Variants in MOCOS observed in about 807,000 individuals in gnomAD.
MOCOS encodes the protein human molybdenum cofactor sulfurase.
MOCOS carries 86 observed loss-of-function variants against 83.6 expected under a neutral mutation model. The observed-to-expected ratio is 1.03, with a 90% CI of 0.86 to 1.23. MOCOS has a LOEUF of 1.23. Ranked by LOEUF, MOCOS falls within the 50% of genes most tolerant of loss-of-function variation. The pLI, the probability that MOCOS is intolerant of heterozygous loss-of-function variation, is 0.00. For synonymous variants in MOCOS, 445 were observed against 434.7 expected (o/e 1.02, Z -0.29); for missense variants, 1,120 against 1,126.9 (o/e 0.99, Z 0.09).
chr18:36,209,640 CCATT>C (rs2091447168), intron 6 of MOCOS, among the ~76,000 whole-genome samples: 1 of 152,158 alleles, frequency 6.6e-6, no homozygotes, highest in South Asian at 2.1e-4. Context: ...GCCTCCAGCT[CCATT>C]CAAGTTGCTG....
At chr18:36,194,309 C>A (rs1032061381) in intron 1 of MOCOS, among the ~76,000 whole-genome samples, 5 of 151,956 alleles carry the variant, frequency 3.3e-5, no homozygotes, top group Non-Finnish European at 5.9e-5. Flanking sequence ...ATAAAACAAC[C>A]CATTCTACAC....
In MOCOS at chr18:36,193,317, C is replaced by CAAAAAAAA. The variant is rs555145311; in HGVS notation, c.143-1909_143-1902dup. 3.1e-4 allele frequency among the ~76,000 whole-genome samples: 12 copies of CAAAAAAAA among 38,310 alleles called. 2 individuals are homozygous for CAAAAAAAA. Among genetic ancestry groups the CAAAAAAAA allele is most frequent in the Admixed American group, 4.8e-4 (1 of 2,094 alleles). The allele number at this position is 38,310 out of a possible 152,430, so 25.1% of individuals were successfully genotyped here. A position where few individuals can be genotyped will look rare whatever the true frequency, so the allele number is the denominator to read the frequency against. On this transcript the variant is annotated intron_variant, in intron 1 of 14. Transcript: ENST00000261326. Reference sequence around the variant, plus strand: ...TGGGCGACAGAGCGAGACTCCGTCTCAAAAAAAAAAAAAAAAAAAAAAAAA... The same window carrying CAAAAAAAA: ...TGGGCGACAGAGCGAGACTCCGTCTCAAAAAAAAAAAAAAAAAAAAAAAAAAAAAAAAA...
chr18:36,244,868 A>C (rs1196263219), intron 9 of MOCOS, among the ~76,000 whole-genome samples: 1 of 152,110 alleles, frequency 6.6e-6, no homozygotes, highest in Non-Finnish European at 1.5e-5. Flanking sequence ...TCTTTTTATT[A>C]TTATATAATA....
intron 1 of MOCOS, among the ~76,000 whole-genome samples, chr18:36,193,145 A>G (rs1164849060): frequency 1.3e-5 from 2 of 149,408 alleles, no homozygotes; most frequent in Non-Finnish European, 3.0e-5. Flanking sequence ...CCCCGTCTCT[A>G]CTAAAAATAC....
chr18:36,188,105 T>C (rs779034981), intron 1 of MOCOS, among the ~76,000 whole-genome samples: 77 of 151,796 alleles, frequency 5.1e-4, no homozygotes, highest in Non-Finnish European at 9.6e-4. Context: ...GCGCCCGGGC[T>C]GGGACAGCAC....
chr18:36,232,012 G>T (rs756920601), intron 9 of MOCOS, among the ~76,000 whole-genome samples: 12 of 152,200 alleles, frequency 7.9e-5, no homozygotes, highest in Non-Finnish European at 1.3e-4. Context: ...TGTCACCCAG[G>T]CTGGAGTGCA....
intron 10 of MOCOS, among the ~76,000 whole-genome samples, chr18:36,249,226 G>T (rs2144138254): frequency 6.6e-6 from 1 of 152,064 alleles, no homozygotes; most frequent in South Asian, 2.1e-4. Context: ...CCTCTGCCTG[G>T]TGCTCTTCCC....
intron 11 of MOCOS, among the ~76,000 whole-genome samples, chr18:36,254,735 C>T (rs1438501845): frequency 6.6e-6 from 1 of 151,740 alleles, no homozygotes; most frequent in African/African-American, 2.4e-5. Flanking sequence ...GTTATATATT[C>T]TGTGCTTGGA....
chr18:36,228,217 A>C (rs2077958094), intron 9 of MOCOS, among the ~76,000 whole-genome samples: 1 of 152,212 alleles, frequency 6.6e-6, no homozygotes, highest in Non-Finnish European at 1.5e-5. Flanking sequence ...AGGAATGCTT[A>C]TACACCGTTG....
intron 4 of MOCOS, 101 bp from the exon 5 acceptor site, chr18:36,203,012 C>T: frequency 2.5e-6 from 3 of 1,181,214 alleles, no homozygotes; most frequent in Non-Finnish European, 3.8e-6. Context: ...CAAACCACAT[C>T]AACAGCTAAG....
At chr18:36,213,646 A>G (rs1193937042) in intron 7 of MOCOS, among the ~76,000 whole-genome samples, 164 bp downstream of exon 7, 1 of 152,212 alleles carries the variant, frequency 6.6e-6, no homozygotes, top group Non-Finnish European at 1.5e-5. Flanking sequence ...TGCTTCAAGA[A>G]GGCCGGGTGC....
At chr18:36,203,089 G>A (rs2091420785) in intron 4 of MOCOS, 24 bp from the exon 5 acceptor site, 2 of 1,608,440 alleles carry the variant, frequency 1.2e-6, no homozygotes, top group East Asian at 2.2e-5. Flanking sequence ...AGCTTGACCT[G>A]TTCTCCTTAC....
intron 6 of MOCOS, among the ~76,000 whole-genome samples, chr18:36,206,279 C>T (rs1229760522): frequency 8.9e-6 from 1 of 112,942 alleles, no homozygotes; most frequent in Non-Finnish European, 1.7e-5. Flanking sequence ...TGGAGTCTTG[C>T]TCTGTCACCC....
intron 8 of MOCOS, 136 bp from the exon 9 acceptor site, chr18:36,219,919 C>T: frequency 8.8e-7 from 1 of 1,141,866 alleles, no homozygotes; most frequent in Non-Finnish European, 1.3e-6. Flanking sequence ...TTAGTTTCTT[C>T]TCTTCCTCCC....
At chr18:36,244,871 A>T (rs2091597127) in intron 9 of MOCOS, among the ~76,000 whole-genome samples, 1 of 152,108 alleles carries the variant, frequency 6.6e-6, no homozygotes, top group Non-Finnish European at 1.5e-5. Context: ...TTTTATTATT[A>T]TATAATATTC....
chr18:36,206,845 G>A lies in MOCOS; in HGVS notation c.1218+1569G>A, dbSNP rs1444324507. The stretch of plus-strand genomic sequence containing the variant: ...TTTTTTGTGGCTGTGTAGTATCCCA[G>A]GGTGTAAATGTACCACATTTCTTTA... On this transcript the variant is annotated intron_variant, in intron 6 of 14. Transcript: ENST00000261326. Among the ~76,000 whole-genome samples, 3 of 152,170 alleles carry A rather than the reference G, an allele frequency of 2.0e-5. No homozygotes were observed. The East Asian group carries it at 5.8e-4, about 29-fold the overall frequency.
chr18:36,245,626 A>G (rs1598589772), intron 9 of MOCOS, among the ~76,000 whole-genome samples: 6 of 152,252 alleles, frequency 3.9e-5, no homozygotes, highest in African/African-American at 1.4e-4. Flanking sequence ...TTTGCTATGA[A>G]TTTCCCAGGT....
intron 2 of MOCOS, among the ~76,000 whole-genome samples, chr18:36,197,755 G>A (rs559244015): frequency 2.0e-5 from 3 of 152,138 alleles, no homozygotes; most frequent in Admixed American, 6.5e-5. Flanking sequence ...CTGGGTGATA[G>A]AGTAAGATTG....
intron 13 of MOCOS, among the ~76,000 whole-genome samples, chr18:36,262,697 C>T (rs1568070559): frequency 6.6e-6 from 1 of 152,140 alleles, no homozygotes; most frequent in East Asian, 1.9e-4. Context: ...TGGGATTTCA[C>T]CATGTTGGCC....
Sources: allele counts gnomAD v4.1 joint callset (sites outside exome capture counted in the v4.1 genomes callset), GRCh38; gene constraint gnomAD v4.1.1; transcripts MANE v1.5; gene names NCBI Gene and HGNC (gene_info 2026-07-23, HGNC 2026-07-21).